Variants in RORA observed in about 807,000 individuals in gnomAD.
The protein encoded by RORA is nuclear receptor ROR-alpha.
A neutral mutation model predicts 69.5 loss-of-function variants in RORA; 7 were observed. The observed-to-expected ratio is 0.10, with a 90% CI of 0.06 to 0.19. The LOEUF (loss-of-function observed/expected upper bound fraction) is 0.19, where lower values mean the gene tolerates loss of function less well. RORA is among the 10% of genes least tolerant of loss of function. The pLI, the probability that RORA is intolerant of heterozygous loss-of-function variation, is 1.00. For missense variants in RORA, 457 were observed against 663.0 expected, an observed-to-expected ratio of 0.69 and a Z score of 3.41; for synonymous variants, 261 against 240.8, an observed-to-expected ratio of 1.08 and a Z score of -0.78.
intron 1 of RORA, among the ~76,000 whole-genome samples, chr15:60,948,593 G>A (rs1411787138): frequency 1.3e-5 from 2 of 152,162 alleles, no homozygotes; most frequent in Non-Finnish European, 2.9e-5. Flanking sequence ...TAACACTTAT[G>A]ACCCTACTGT....
chr15:60,675,185 CGTT>C (rs1287892047), intron 2 of RORA, among the ~76,000 whole-genome samples: 2 of 152,180 alleles, frequency 1.3e-5, no homozygotes, highest in African/African-American at 4.8e-5. Flanking sequence ...GTGAATGACT[CGTT>C]GTCCTTGGCA....
At chr15:60,845,929 T>C (rs2073259797) in intron 1 of RORA, among the ~76,000 whole-genome samples, 1 of 152,174 alleles carries the variant, frequency 6.6e-6, no homozygotes, top group South Asian at 2.1e-4. Flanking sequence ...GTATTTTTAG[T>C]AGAGACGGGG....
rs143722945 is a variant in RORA, at chr15:60,865,324, T to A, written c.167-186638A>T. ...GAAGATCTCCAAGGTCCATTTCAGA[T>A]CTAACACTCTATTATTCTATTATCT... On this transcript the variant is annotated intron_variant, in intron 1 of 10. Coordinates refer to ENST00000335670, the MANE Select transcript of RORA (RefSeq NM_134261.3). 3.5e-3 allele frequency among the ~76,000 whole-genome samples: 533 copies of A among 152,300 alleles called. 3 individuals are homozygous for A. Among genetic ancestry groups the A allele is most frequent in the Non-Finnish European group, 5.4e-3 (368 of 68,030 alleles).
chr15:60,777,272 T>C (rs12438406), intron 1 of RORA, among the ~76,000 whole-genome samples: 23,321 of 152,150 alleles, frequency 0.15, 2,147 homozygotes, highest in Middle Eastern at 0.23. Flanking sequence ...CCCGGAACAT[T>C]AGCTCAGGAA....
intron 1 of RORA, among the ~76,000 whole-genome samples, chr15:60,707,293 G>A (rs960973521): frequency 2.4e-4 from 36 of 151,842 alleles, no homozygotes; most frequent in East Asian, 3.9e-4. Context: ...ATACAAGTAC[G>A]AATATTTCCC....
At chr15:60,796,467 C>T (rs1003411345) in intron 1 of RORA, among the ~76,000 whole-genome samples, 8 of 151,540 alleles carry the variant, frequency 5.3e-5, no homozygotes, top group Non-Finnish European at 4.4e-5. Context: ...GAAAATCAGA[C>T]AGATACCACT....
Position 61,004,394 on chromosome 15 carries a change from A to C in RORA, c.166+224659T>G, listed in dbSNP as rs1894846604. Among the ~76,000 whole-genome samples, 4 of 141,372 alleles carry C rather than the reference A, an allele frequency of 2.8e-5. No homozygotes were observed. In the South Asian group the frequency reaches 8.9e-4, roughly 31 times the overall value. 92.7% of individuals were successfully genotyped at this position (141,372 alleles called of 152,430 possible). ...AGTCTGAATGTTTTTTTTTTTTTTCATCTAAAAATAAGCCTGCGACCTTTT... is the reference window on the plus strand; with the variant it reads ...AGTCTGAATGTTTTTTTTTTTTTTCCTCTAAAAATAAGCCTGCGACCTTTT... On this transcript the variant is annotated intron_variant, in intron 1 of 10. Transcript: ENST00000335670.
At chr15:61,053,479 A>G (rs2078043387) in intron 1 of RORA, among the ~76,000 whole-genome samples, 1 of 152,054 alleles carries the variant, frequency 6.6e-6, no homozygotes, top group Non-Finnish European at 1.5e-5. Context: ...TTGTGAATAC[A>G]GTTTCACGAT....
intron 2 of RORA, among the ~76,000 whole-genome samples, chr15:60,626,454 A>G (rs1054964551): frequency 6.6e-6 from 1 of 152,206 alleles, no homozygotes; most frequent in African/African-American, 2.4e-5. Context: ...TTCTTGCAAG[A>G]ATGCACATGG....
intron 1 of RORA, among the ~76,000 whole-genome samples, chr15:60,880,585 G>C (rs977713306): frequency 1.3e-5 from 2 of 152,148 alleles, no homozygotes; most frequent in Non-Finnish European, 2.9e-5. Context: ...GTTGCAGTGA[G>C]CCAAGATCAT....
In RORA at chr15:61,025,396, C is replaced by T. The variant is rs186857328; in HGVS notation, c.166+203657G>A. On this transcript the variant is annotated intron_variant, in intron 1 of 10. Coordinates refer to ENST00000335670, the MANE Select transcript of RORA (RefSeq NM_134261.3). ...TCCCAGGTCCCGGGCCCTAGCTGTG[C>T]TTCAGTGACATGATTCAGGAGAACC... is the stretch of plus-strand genomic sequence containing the variant. Among the ~76,000 whole-genome samples the T allele has an allele frequency of 9.8e-5, 15 of 152,334 alleles. No homozygotes were observed. In the East Asian group the frequency reaches 2.9e-3, roughly 29 times the overall value.
intron 1 of RORA, among the ~76,000 whole-genome samples, chr15:60,721,124 T>C (rs1194308383): frequency 3.3e-5 from 5 of 152,154 alleles, no homozygotes; most frequent in Non-Finnish European, 5.9e-5. Context: ...GCCTTCGTTT[T>C]AAAGGTCATG....
intron 1 of RORA, among the ~76,000 whole-genome samples, chr15:60,714,444 A>C (rs2071192879): frequency 6.6e-6 from 1 of 151,562 alleles, no homozygotes; most frequent in African/African-American, 2.4e-5. Context: ...GGCTCACTGC[A>C]ACCTCAACCT....
At chr15:61,156,075 GA>G (rs913144400) in intron 1 of RORA, among the ~76,000 whole-genome samples, 8 of 149,984 alleles carry the variant, frequency 5.3e-5, no homozygotes, top group African/African-American at 1.2e-4. Context: ...TTTTGCAGAA[GA>G]AAAAAAAAAT....
chr15:60,979,545 TC>T (rs1225914531), intron 1 of RORA, among the ~76,000 whole-genome samples: 2 of 152,168 alleles, frequency 1.3e-5, no homozygotes, highest in Admixed American at 1.3e-4. Flanking sequence ...GACTTTCACT[TC>T]CTTGGTTAAA....
At chr15:60,710,094 C>T (rs188004215) in intron 1 of RORA, among the ~76,000 whole-genome samples, 25 of 152,184 alleles carry the variant, frequency 1.6e-4, no homozygotes, top group Non-Finnish European at 3.2e-4. Context: ...GCTGGAGGCC[C>T]GATAGGAGAG....
intron 1 of RORA, among the ~76,000 whole-genome samples, chr15:60,806,197 GA>G (rs1481879042): frequency 1.3e-5 from 2 of 151,940 alleles, no homozygotes; most frequent in Non-Finnish European, 2.9e-5. Flanking sequence ...CCCAAGGCGG[GA>G]AAAAAATGCA....
intron 1 of RORA, among the ~76,000 whole-genome samples, chr15:61,062,283 C>G (rs560017636): frequency 6.6e-6 from 1 of 152,266 alleles, no homozygotes; most frequent in East Asian, 1.9e-4. Context: ...CCAAGTTTGT[C>G]TTTTTCTTAG....
At chr15:60,696,295 CG>C (rs1008572623) in intron 1 of RORA, among the ~76,000 whole-genome samples, 1 of 152,078 alleles carries the variant, frequency 6.6e-6, no homozygotes. Flanking sequence ...CAGGGGGAAT[CG>C]GTCCTCCCAG....
Sources: allele counts gnomAD v4.1 joint callset (sites outside exome capture counted in the v4.1 genomes callset), GRCh38; gene constraint gnomAD v4.1.1; transcripts MANE v1.5; gene names NCBI Gene and HGNC (gene_info 2026-07-23, HGNC 2026-07-21).